CTNNA3: variants seen among roughly 807,000 people sequenced by gnomAD.
The protein encoded by CTNNA3 is catenin alpha-3.
Under a neutral mutation model 95.7 loss-of-function variants are expected in CTNNA3, and 76 were observed. The observed-to-expected ratio is 0.79, with a 90% CI of 0.66 to 0.96. The LOEUF (loss-of-function observed/expected upper bound fraction) is 0.96, where lower values mean the gene tolerates loss of function less well. CTNNA3 is among the 40% of genes least tolerant of loss of function. The pLI is 0.00. For missense variants in CTNNA3, 1,191 were observed against 1,089.8 expected (o/e 1.09, Z -1.31); for synonymous variants, 431 against 374.4 (o/e 1.15, Z -1.74).
chr10:67,344,862 T>G (rs1227733517), intron 5 of CTNNA3, among the ~76,000 whole-genome samples: 2 of 151,988 alleles, frequency 1.3e-5, no homozygotes, highest in Non-Finnish European at 2.9e-5. Context: ...TAATCTTTAT[T>G]TATAGTTTCT....
intron 7 of CTNNA3, among the ~76,000 whole-genome samples, chr10:67,140,929 T>C (rs1201029689): frequency 6.6e-6 from 1 of 152,170 alleles, no homozygotes; most frequent in African/African-American, 2.4e-5. Flanking sequence ...GGTGAGGTGT[T>C]GATCATATGC....
At chr10:67,509,819 G>A (rs1239795699) in intron 5 of CTNNA3, among the ~76,000 whole-genome samples, 4 of 152,192 alleles carry the variant, frequency 2.6e-5, no homozygotes, top group African/African-American at 7.2e-5. Context: ...CAGTGTAAAA[G>A]CATTCCTGTT....
intron 7 of CTNNA3, among the ~76,000 whole-genome samples, chr10:67,100,747 C>T (rs1858290816): frequency 6.6e-6 from 1 of 151,714 alleles, no homozygotes; most frequent in Non-Finnish European, 1.5e-5. Context: ...CCACATTTTA[C>T]ATAAATTATC....
chr10:67,022,642 A>T (rs1853097586), intron 7 of CTNNA3, among the ~76,000 whole-genome samples: 1 of 152,200 alleles, frequency 6.6e-6, no homozygotes, highest in Non-Finnish European at 1.5e-5. Context: ...GAAAAATTTT[A>T]AATATACACT....
intron 12 of CTNNA3, among the ~76,000 whole-genome samples, chr10:66,318,223 C>G (rs1002494596): frequency 6.7e-6 from 1 of 149,796 alleles, no homozygotes; most frequent in African/African-American, 2.5e-5. Flanking sequence ...TTAGTGGAAT[C>G]AGCTGAGTAA....
At chr10:67,543,074 C>G (rs1840732148) in intron 3 of CTNNA3, among the ~76,000 whole-genome samples, 1 of 151,936 alleles carries the variant, frequency 6.6e-6, no homozygotes, top group South Asian at 2.1e-4. Flanking sequence ...CAAGAAATCC[C>G]ACTCTATACA....
chr10:66,651,245 A>G (rs541258974), intron 9 of CTNNA3, among the ~76,000 whole-genome samples: 38 of 152,260 alleles, frequency 2.5e-4, no homozygotes, highest in African/African-American at 8.9e-4. Context: ...AAAGTTCTCC[A>G]AGTCCCCACC....
chr10:67,186,019 C>A, intron 6 of CTNNA3, among the ~76,000 whole-genome samples: 1 of 146,034 alleles, frequency 6.8e-6, no homozygotes, highest in Admixed American at 7.1e-5. Context: ...GAGCAAGACT[C>A]CGTCTCACAA....
chr10:67,195,058 G>A (rs1863286637), intron 6 of CTNNA3, among the ~76,000 whole-genome samples: 1 of 151,590 alleles, frequency 6.6e-6, no homozygotes. Context: ...GGAATATCTG[G>A]TGGCCACTAA....
chr10:67,076,866 C>T (rs1350067257), intron 7 of CTNNA3, among the ~76,000 whole-genome samples: 1 of 152,154 alleles, frequency 6.6e-6, no homozygotes, highest in African/African-American at 2.4e-5. Context: ...ATTCCTCTGG[C>T]CCAAACCTCT....
chr10:66,124,309 C>T (rs961105976), intron 13 of CTNNA3, among the ~76,000 whole-genome samples: 16 of 152,172 alleles, frequency 1.1e-4, no homozygotes, highest in Admixed American at 1.0e-3. Flanking sequence ...ACAAGAGTCA[C>T]CTTTGCTCCA....
At chr10:65,930,142 G>A (rs2133138377) in intron 17 of CTNNA3, among the ~76,000 whole-genome samples, 1 of 140,516 alleles carries the variant, frequency 7.1e-6, no homozygotes, top group East Asian at 2.3e-4. Flanking sequence ...TCAAAATAGT[G>A]TGAGGTCAGC....
At chr10:66,776,783 CCA>C (rs1840319599) in intron 7 of CTNNA3, among the ~76,000 whole-genome samples, 2 of 152,130 alleles carry the variant, frequency 1.3e-5, no homozygotes, top group Non-Finnish European at 2.9e-5. Context: ...TTTCCTTTTT[CCA>C]ACAGCATTTT....
chr10:66,808,397 T>A (rs528933602), intron 7 of CTNNA3, among the ~76,000 whole-genome samples: 2 of 152,282 alleles, frequency 1.3e-5, no homozygotes, highest in African/African-American at 4.8e-5. Flanking sequence ...AAAAGATATA[T>A]CTGACCATAC....
intron 7 of CTNNA3, among the ~76,000 whole-genome samples, chr10:66,835,965 A>AT (rs901768157): frequency 5.3e-5 from 8 of 151,942 alleles, no homozygotes; most frequent in Non-Finnish European, 1.2e-4. Flanking sequence ...TAAGGACCAC[A>AT]TTTTGACAAC....
intron 17 of CTNNA3, among the ~76,000 whole-genome samples, chr10:65,944,971 T>C (rs1194916308): frequency 1.3e-5 from 2 of 152,082 alleles, no homozygotes; most frequent in Non-Finnish European, 2.9e-5. Flanking sequence ...CTAAAGGAGA[T>C]GATGTATATA....
At chr10:67,509,082 G>A (rs1032645734) in intron 5 of CTNNA3, among the ~76,000 whole-genome samples, 2 of 152,080 alleles carry the variant, frequency 1.3e-5, no homozygotes, top group Admixed American at 6.6e-5. Context: ...CACCATGTTG[G>A]CCAGGCTGGT....
chr10:67,581,193 G>T (rs549932363), intron 3 of CTNNA3, among the ~76,000 whole-genome samples: 2 of 152,198 alleles, frequency 1.3e-5, no homozygotes, highest in East Asian at 3.9e-4. Flanking sequence ...TTGGCTGTAG[G>T]TTTCTCATAA....
chr10:66,615,328 T>C (rs1368638819), intron 10 of CTNNA3, among the ~76,000 whole-genome samples: 1 of 151,996 alleles, frequency 6.6e-6, no homozygotes, highest in East Asian at 1.9e-4. Context: ...AAACTTACAC[T>C]ACAAAAAGAT....
Sources: gnomAD v4.1 joint callset for allele counts (sites outside exome capture counted in the v4.1 genomes callset) on GRCh38, gnomAD v4.1.1 for gene constraint, MANE v1.5 for transcripts, NCBI Gene and HGNC (gene_info 2026-07-23, HGNC 2026-07-21) for gene names.